The following GPHN variants were observed in gnomAD, a reference collection of about 807,000 sequenced individuals.
GPHN encodes the protein gephyrin.
In GPHN, 17 loss-of-function variants were observed where a neutral mutation model predicts 95.5. The observed-to-expected ratio is 0.18, with a 90% CI of 0.12 to 0.27. The LOEUF is 0.27. GPHN is among the 10% of genes least tolerant of loss of function. The probability of loss-of-function intolerance (pLI) is 1.00; values close to 1 mark genes in which losing one functional copy is unlikely to be tolerated. For missense variants in GPHN, 660 were observed against 978.1 expected, an observed-to-expected ratio of 0.67 and a Z score of 4.34; for synonymous variants, 320 against 322.5, an observed-to-expected ratio of 0.99 and a Z score of 0.08.
chr14:67,020,532 G>T (rs1338005983), intron 9 of GPHN, among the ~76,000 whole-genome samples: 2 of 151,976 alleles, frequency 1.3e-5, no homozygotes, highest in African/African-American at 4.8e-5. Flanking sequence ...TTTCCTAATG[G>T]ACGATGTGAT....
At chr14:67,733,724 A>C in the GPHN span, 2 of 1,520,108 alleles carry the variant, frequency 1.3e-6, no homozygotes, top group Non-Finnish European at 1.8e-6. Flanking sequence ...CCTGGAATTT[A>C]CTGTCTTTCT....
chr14:67,726,334 A>T, the GPHN span, among the ~76,000 whole-genome samples: 78 of 152,278 alleles, frequency 5.1e-4, 1 homozygote, highest in African/African-American at 1.7e-3. Context: ...AAAAAGTGAG[A>T]TCTTCCTACC....
chr14:67,241,708 G>T, the GPHN span: 2,204 of 152,554 alleles, frequency 0.014, 30 homozygotes, highest in Non-Finnish European at 0.021. Context: ...GCGAGCTGCG[G>T]CCGTGGAGGG....
chr14:67,559,770 A>G, the GPHN span: 2 of 908,056 alleles, frequency 2.2e-6, no homozygotes, highest in Non-Finnish European at 3.6e-6. Context: ...CCTGCCCCCT[A>G]CTGTCTAGGG....
intron 2 of GPHN, among the ~76,000 whole-genome samples, chr14:66,709,667 A>G (rs559461426): frequency 1.3e-5 from 2 of 152,322 alleles, no homozygotes; most frequent in South Asian, 2.1e-4. Context: ...AAAACTGAAG[A>G]TAAGGAAAGA....
At chr14:67,045,320 G>A (rs2074949356) in intron 10 of GPHN, among the ~76,000 whole-genome samples, 1 of 152,110 alleles carries the variant, frequency 6.6e-6, no homozygotes, top group Non-Finnish European at 1.5e-5. Flanking sequence ...AGTTGTTTCA[G>A]CTTTTTGCTA....
chr14:66,702,689 GAAGATGAGAAAGAAT>G (rs2068670395), intron 2 of GPHN, among the ~76,000 whole-genome samples: 1 of 152,170 alleles, frequency 6.6e-6, no homozygotes, highest in Non-Finnish European at 1.5e-5. Context: ...ACAAACTCAT[GAAGATGAGAAAGAAT>G]CAATGAAAAA....
At chr14:67,389,180 T>C in the GPHN span, among the ~76,000 whole-genome samples, 1 of 151,996 alleles carries the variant, frequency 6.6e-6, no homozygotes, top group Non-Finnish European at 1.5e-5. Context: ...TCATACTGCA[T>C]GTTGGGCCCA....
intron 16 of GPHN, among the ~76,000 whole-genome samples, chr14:67,117,670 G>A (rs2153689662): frequency 6.6e-6 from 1 of 152,200 alleles, no homozygotes; most frequent in Non-Finnish European, 1.5e-5. Flanking sequence ...GTGGCCAACT[G>A]ACAGATAGGA....
At chr14:67,161,154 G>A (rs1235791712) in intron 19 of GPHN, among the ~76,000 whole-genome samples, 2 of 152,078 alleles carry the variant, frequency 1.3e-5, no homozygotes, top group Non-Finnish European at 1.5e-5. Flanking sequence ...TTAGCCGGGC[G>A]TTGGTGGCTT....
chr14:66,744,410 ATT>A (rs2058060509), intron 2 of GPHN, among the ~76,000 whole-genome samples: 3 of 152,200 alleles, frequency 2.0e-5, no homozygotes, highest in Non-Finnish European at 4.4e-5. Context: ...TAAACAAGGA[ATT>A]AAGTTGTATT....
At chr14:67,496,886 C>G in the GPHN span, among the ~76,000 whole-genome samples, 1 of 151,972 alleles carries the variant, frequency 6.6e-6, no homozygotes, top group African/African-American at 2.4e-5. Context: ...CAACCTCTGC[C>G]TCCCGGGTTC....
At chr14:67,267,321 C>T in the GPHN span, among the ~76,000 whole-genome samples, 1 of 151,842 alleles carries the variant, frequency 6.6e-6, no homozygotes, top group African/African-American at 2.4e-5. Flanking sequence ...TGCAATGGTG[C>T]AATCTTGGCT....
At chr14:66,891,377 G>A (rs550315138) in intron 5 of GPHN, among the ~76,000 whole-genome samples, 1 of 152,202 alleles carries the variant, frequency 6.6e-6, no homozygotes, top group East Asian at 1.9e-4. Context: ...TTCAACAAGG[G>A]TGTCAATTCA....
chr14:67,625,824 C>T, the GPHN span, among the ~76,000 whole-genome samples: 2 of 150,454 alleles, frequency 1.3e-5, no homozygotes, highest in South Asian at 4.2e-4. Flanking sequence ...TTCTAGTGTT[C>T]GGCAAACATA....
At chr14:66,747,334 T>G (rs2058191467) in intron 2 of GPHN, among the ~76,000 whole-genome samples, 1 of 152,178 alleles carries the variant, frequency 6.6e-6, no homozygotes, top group African/African-American at 2.4e-5. Context: ...ACTAAGTAAC[T>G]TCTAAACTGT....
intron 8 of GPHN, among the ~76,000 whole-genome samples, chr14:66,932,810 C>G (rs112625484): frequency 0.015 from 2,301 of 152,138 alleles, 32 homozygotes; most frequent in Non-Finnish European, 0.018. Flanking sequence ...CAAGTCTAGA[C>G]ATGCCCTCCA....
intron 9 of GPHN, among the ~76,000 whole-genome samples, chr14:67,023,256 A>C (rs2073751561): frequency 6.6e-6 from 1 of 152,056 alleles, no homozygotes; most frequent in South Asian, 2.1e-4. Flanking sequence ...AATTACTTGA[A>C]TTTTATTATT....
chr14:67,645,591 C>A, the GPHN span: 12 of 1,575,324 alleles, frequency 7.6e-6, no homozygotes, highest in Non-Finnish European at 1.0e-5. Flanking sequence ...CGTTTGTTAT[C>A]GGTCATGTTT....
Sources: gnomAD v4.1 joint callset for allele counts (sites outside exome capture counted in the v4.1 genomes callset) on GRCh38, gnomAD v4.1.1 for gene constraint, MANE v1.5 for transcripts, NCBI Gene and HGNC (gene_info 2026-07-23, HGNC 2026-07-21) for gene names.